The following VPS13A variants were observed in gnomAD, a reference collection of about 807,000 sequenced individuals.
The protein encoded by VPS13A is intermembrane lipid transfer protein VPS13A.
In VPS13A, 264 loss-of-function variants were observed where a neutral mutation model predicts 390.9. That is an observed-to-expected ratio of 0.68 (90% confidence interval 0.61 to 0.75). The LOEUF (loss-of-function observed/expected upper bound fraction) is 0.75. VPS13A is among the 30% of genes least tolerant of loss of function. The pLI is 0.00. For missense variants in VPS13A, 3,409 were observed against 3,733.9 expected, an observed-to-expected ratio of 0.91 and a Z score of 2.27; for synonymous variants, 1,231 against 1,227.1, an observed-to-expected ratio of 1.00 and a Z score of -0.07.
In VPS13A at chr9:77,295,795, C is replaced by T; in HGVS notation, c.3761C>T (p.Pro1254Leu). 6.2e-7 allele frequency: 1 copy of T among 1,613,972 alleles called. No individual in the cohort carries two copies. Among genetic ancestry groups the T allele is most frequent in the Non-Finnish European group, 8.5e-7 (1 of 1,179,922 alleles). The change falls in exon 33 of 72, where the codon CCA (proline) becomes CTA (leucine). Residue 1254 changes from proline to leucine, a missense_variant. Transcript: ENST00000360280. ...HMITESQSSPPPVIDLITIKL... is the reference protein window; with the variant it reads ...HMITESQSSPLPVIDLITIKL... The stretch of plus-strand genomic sequence containing the variant: ...ATAACAGAGAGCCAGAGCTCTCCCC[C>T]ACCTGTTATTGATTTGATAACAATA...
At chr9:77,370,387 T>G in intron 64 of VPS13A, 28 bp from the exon 65 acceptor site, 1 of 1,614,178 alleles carries the variant, frequency 6.2e-7, no homozygotes, top group Non-Finnish European at 8.5e-7. Context: ...ATGGCATCAT[T>G]ACTTTTACTA....
intron 7 of VPS13A, among the ~76,000 whole-genome samples, chr9:77,211,795 C>G (rs1825987857): frequency 6.6e-6 from 1 of 152,150 alleles, no homozygotes; most frequent in Admixed American, 6.5e-5. Flanking sequence ...CAGTTAGAAA[C>G]TCTAGGATTT....
At chr9:77,403,551 C>A (rs1834475661) in intron 69 of VPS13A, among the ~76,000 whole-genome samples, 1 of 152,198 alleles carries the variant, frequency 6.6e-6, no homozygotes, top group Admixed American at 6.5e-5. Flanking sequence ...GTATTTGTTT[C>A]AACTAATTTA....
chr9:77,330,291 T>C (rs551700763), intron 45 of VPS13A, among the ~76,000 whole-genome samples: 2 of 152,154 alleles, frequency 1.3e-5, no homozygotes, highest in East Asian at 1.9e-4. Flanking sequence ...GCTGGAATTA[T>C]AATAGGTGTG....
chr9:77,381,824 T>G, intron 67 of VPS13A, 152 bp from the exon 68 acceptor site: 1 of 595,480 alleles, frequency 1.7e-6, no homozygotes, highest in Non-Finnish European at 2.9e-6. Context: ...CTAGAGAACT[T>G]ACACTGTTTA....
chr9:77,264,755 G>T (rs1825939409), intron 23 of VPS13A, among the ~76,000 whole-genome samples: 1 of 152,140 alleles, frequency 6.6e-6, no homozygotes, highest in African/African-American at 2.4e-5. Context: ...GAGACGATTT[G>T]ATTTCCTTTC....
intron 71 of VPS13A, among the ~76,000 whole-genome samples, chr9:77,408,836 G>A (rs1189561311): frequency 6.6e-6 from 1 of 152,208 alleles, no homozygotes; most frequent in Non-Finnish European, 1.5e-5. Flanking sequence ...GCTCAAGGAG[G>A]CCTGCCTGCC....
rs139970228 is a variant in VPS13A at position 77,363,482 on chromosome 9, A to G, written c.8212-1978A>G. Among the ~76,000 whole-genome samples, 291 of 143,068 alleles carry G rather than the reference A, an allele frequency of 2.0e-3. 2 individuals are homozygous for G. The highest frequency in any genetic ancestry group is 8.3e-3 in the Middle Eastern group (2 of 242). 93.9% of individuals were successfully genotyped at this position (143,068 alleles called of 152,430 possible). A position where few individuals can be genotyped will look rare whatever the true frequency, so the allele number is the denominator to read the frequency against. ...AATGCTGCAAAAGCAATCTCAGCTC[A>G]CTACAACCTCCGCCTCGTGGGTTTG... On this transcript the variant is annotated intron_variant, in intron 59 of 71. Transcript: ENST00000360280.
intron 1 of VPS13A, 49 bp from the exon 2 acceptor site, chr9:77,199,896 A>G: frequency 1.3e-6 from 2 of 1,524,916 alleles, no homozygotes; most frequent in Non-Finnish European, 9.0e-7. Flanking sequence ...TTAACTTTTT[A>G]AAATGAAAAA....
chr9:77,296,719 A>G (rs1587518150), intron 33 of VPS13A, among the ~76,000 whole-genome samples: 1 of 152,304 alleles, frequency 6.6e-6, no homozygotes, highest in Middle Eastern at 3.4e-3. Context: ...CATTTCTGAC[A>G]GTTTATGTAC....
intron 71 of VPS13A, among the ~76,000 whole-genome samples, chr9:77,414,129 A>G (rs1199259526): frequency 6.6e-6 from 1 of 152,244 alleles, no homozygotes; most frequent in Non-Finnish European, 1.5e-5. Flanking sequence ...GAACACTTTT[A>G]TACTGTTGGT....
At chr9:77,361,857 A>G (rs1832159385) in intron 59 of VPS13A, among the ~76,000 whole-genome samples, 1 of 152,078 alleles carries the variant, frequency 6.6e-6, no homozygotes, top group Non-Finnish European at 1.5e-5. Flanking sequence ...TGAATGTGAA[A>G]TAGTTTGTCA....
chr9:77,209,564 A>C (rs371352398), intron 6 of VPS13A, 32 bp downstream of exon 6: 2 of 1,341,742 alleles, frequency 1.5e-6, no homozygotes, highest in African/African-American at 2.9e-5. Context: ...ATTTGTTTTT[A>C]TATTTATATG....
chr9:77,354,731 C>CT (rs1280853360), intron 54 of VPS13A, among the ~76,000 whole-genome samples: 1 of 152,090 alleles, frequency 6.6e-6, no homozygotes, highest in Non-Finnish European at 1.5e-5. Context: ...ATTGTGTCAG[C>CT]TTACTACCTT....
intron 19 of VPS13A, among the ~76,000 whole-genome samples, chr9:77,243,051 C>T (rs1824600353): frequency 6.6e-6 from 1 of 151,788 alleles, no homozygotes; most frequent in South Asian, 2.1e-4. Context: ...TTAAAATTTA[C>T]CTATTTGTGA....
chr9:77,360,471 C>T, intron 58 of VPS13A, 65 bp from the exon 59 acceptor site: 2 of 1,220,036 alleles, frequency 1.6e-6, no homozygotes, highest in Admixed American at 1.7e-5. Flanking sequence ...TTTTTCTCAT[C>T]TAATTTTTGT....
chr9:77,330,177 G>T (rs1017241605), intron 45 of VPS13A, among the ~76,000 whole-genome samples: 14 of 150,284 alleles, frequency 9.3e-5, no homozygotes, highest in African/African-American at 3.4e-4. Context: ...CACCATACCT[G>T]GCTAATCTTT....
Position 77,353,405 on chromosome 9 carries a change from C to G in VPS13A, c.7420-4C>G. 9.2e-7 allele frequency: 1 copy of G among 1,089,128 alleles called. No individual in the cohort carries two copies. Among genetic ancestry groups the G allele is most frequent in the Non-Finnish European group, 1.2e-6 (1 of 801,898 alleles). The allele number at this position is 1,089,128 out of a possible 1,614,324, so 67.5% of individuals were successfully genotyped here. ...TTTTTTTTTTTTTGGTGGTTTTATTCTAGGATATGATGATGCCTATAGATT... is the reference window on the plus strand; with the variant it reads ...TTTTTTTTTTTTTGGTGGTTTTATTGTAGGATATGATGATGCCTATAGATT... On this transcript the variant is annotated splice_region_variant and splice_polypyrimidine_tract_variant and intron_variant, in intron 53 of 71. Transcript: ENST00000360280.
At chr9:77,178,191 G>C (rs1399043645) in intron 1 of VPS13A, 1 of 266,444 alleles carries the variant, frequency 3.8e-6, no homozygotes, top group Admixed American at 5.2e-5. Context: ...CCTGGGCTGG[G>C]TCCCATCCCT....
Sources: gnomAD v4.1 joint callset for allele counts (sites outside exome capture counted in the v4.1 genomes callset) on GRCh38, gnomAD v4.1.1 for gene constraint, MANE v1.5 for transcripts, NCBI Gene and HGNC (gene_info 2026-07-23, HGNC 2026-07-21) for gene names.